CDIN1: variants seen among roughly 807,000 people sequenced by gnomAD.
The protein encoded by CDIN1 is CDAN1 interacting nuclease 1, also known as CDAN1-interacting nuclease 1.
CDIN1 carries 33 observed loss-of-function variants against 45.3 expected under a neutral mutation model. That is an observed-to-expected ratio of 0.73 (90% CI 0.55 to 0.97). CDIN1 has a LOEUF of 0.97. Among genes scored for constraint, CDIN1 ranks in the 50% least tolerant of loss-of-function variants. The pLI is 0.00. For synonymous variants in CDIN1, 118 were observed against 124.4 expected, an observed-to-expected ratio of 0.95 and a Z score of 0.34; for missense variants, 303 against 339.4, an observed-to-expected ratio of 0.89 and a Z score of 0.84.
chr15:36,668,771 T>C (rs1226792950), intron 5 of CDIN1, among the ~76,000 whole-genome samples: 4 of 152,134 alleles, frequency 2.6e-5, no homozygotes, highest in Non-Finnish European at 2.9e-5. Context: ...CCCAGTTTGA[T>C]CCTATACTAG....
intron 1 of CDIN1, among the ~76,000 whole-genome samples, chr15:36,603,324 G>A (rs1246122579): frequency 2.0e-5 from 3 of 152,152 alleles, no homozygotes; most frequent in African/African-American, 7.2e-5. Context: ...CTTCTTAGAG[G>A]AAGAAGAAAA....
At chr15:36,672,931 A>G (rs1373613998) in intron 5 of CDIN1, among the ~76,000 whole-genome samples, 1 of 152,090 alleles carries the variant, frequency 6.6e-6, no homozygotes, top group African/African-American at 2.4e-5. Flanking sequence ...TGGCTTGACA[A>G]GTATACTAAT....
chr15:36,801,849 C>T (rs979150218), intron 10 of CDIN1, among the ~76,000 whole-genome samples: 3 of 152,180 alleles, frequency 2.0e-5, no homozygotes, highest in Admixed American at 6.5e-5. Context: ...TTTCCATCTA[C>T]TTCCTAAATG....
chr15:36,602,849 G>A (rs961727444), intron 1 of CDIN1, among the ~76,000 whole-genome samples: 17 of 152,148 alleles, frequency 1.1e-4, no homozygotes, highest in Admixed American at 1.3e-4. Context: ...TGAGCCAGGC[G>A]TGGTGGCAGG....
intron 8 of CDIN1, among the ~76,000 whole-genome samples, chr15:36,699,706 C>G (rs2042563677): frequency 6.6e-6 from 1 of 152,058 alleles, no homozygotes; most frequent in African/African-American, 2.4e-5. Flanking sequence ...TTTATCTTTA[C>G]TCTTAACAAT....
rs183224607 is a variant in CDIN1, at chr15:36,728,701, G to A, written c.716+18740G>A. Reference sequence around the variant, plus strand: ...AATTTTTTTTTCTTCTTACGACGAAGTGTTGCTCTGTCACCAGACTGGAGT... The same window carrying A: ...AATTTTTTTTTCTTCTTACGACGAAATGTTGCTCTGTCACCAGACTGGAGT... On this transcript the variant is annotated intron_variant, in intron 10 of 10. Transcript: ENST00000566621. Among the ~76,000 whole-genome samples, 66 of 152,108 alleles carry A rather than the reference G, an allele frequency of 4.3e-4. No individual in the cohort carries two copies. The East Asian group carries it at 0.01, about 23-fold the overall frequency.
chr15:36,778,081 G>A (rs140162813), intron 10 of CDIN1, among the ~76,000 whole-genome samples: 2 of 152,328 alleles, frequency 1.3e-5, no homozygotes, highest in Non-Finnish European at 2.9e-5. Context: ...GCTCAGGAAT[G>A]TAATCCTGAA....
rs372995504 is a variant in CDIN1, at chr15:36,653,860, GAC to G, written c.213-237_213-236del. On this transcript the variant is annotated intron_variant, in intron 3 of 10. Transcript: ENST00000566621. ...GTAGGAGGTGAAAGAAAACAAGGGA[GAC>G]CTAAGTATTTACACCTTCTGCCCCC... 1.8e-4 allele frequency among the ~76,000 whole-genome samples: 28 copies of G among 152,324 alleles called. No homozygotes were observed. In the East Asian group the frequency reaches 2.1e-3, roughly 12 times the overall value.
At chr15:36,621,026 GTTAT>G (rs2039162701) in intron 1 of CDIN1, among the ~76,000 whole-genome samples, 1 of 152,154 alleles carries the variant, frequency 6.6e-6, no homozygotes, top group Admixed American at 6.5e-5. Context: ...TTTACATGCT[GTTAT>G]TTAGAAAATG....
intron 1 of CDIN1, chr15:36,618,096 C>T: frequency 1.4e-6 from 1 of 738,164 alleles, no homozygotes; most frequent in Non-Finnish European, 2.5e-6. Flanking sequence ...TACTTTGAAA[C>T]ACCACTGGCC....
intron 5 of CDIN1, among the ~76,000 whole-genome samples, chr15:36,676,028 T>G (rs1361551297): frequency 6.6e-6 from 1 of 152,100 alleles, no homozygotes; most frequent in Non-Finnish European, 1.5e-5. Context: ...ATAGCGGTGT[T>G]TTCCTTGAAA....
chr15:36,591,621 G>C (rs747623516), intron 1 of CDIN1, among the ~76,000 whole-genome samples: 1 of 152,074 alleles, frequency 6.6e-6, no homozygotes, highest in Non-Finnish European at 1.5e-5. Context: ...CATGTTGGTG[G>C]GTGCACTTGG....
chr15:36,703,273 AGATC>A (rs2042718252), intron 8 of CDIN1, among the ~76,000 whole-genome samples: 1 of 100,894 alleles, frequency 9.9e-6, no homozygotes, highest in Non-Finnish European at 2.0e-5. Context: ...TATATCTGAT[AGATC>A]TATCAGATAT....
chr15:36,789,668 G>A (rs146692561), intron 10 of CDIN1, among the ~76,000 whole-genome samples: 159 of 152,286 alleles, frequency 1.0e-3, no homozygotes, highest in African/African-American at 3.7e-3. Context: ...ACATCACACC[G>A]TGAGTCTCAA....
At chr15:36,728,550 CTTTTTT>C (rs373887720) in intron 10 of CDIN1, among the ~76,000 whole-genome samples, 72 of 138,938 alleles carry the variant, frequency 5.2e-4, no homozygotes, top group African/African-American at 1.6e-3. Context: ...GTTTTTCTTC[CTTTTTT>C]TTTTTTTTTT....
chr15:36,773,218 G>T (rs1050307820), intron 10 of CDIN1, among the ~76,000 whole-genome samples: 18 of 152,190 alleles, frequency 1.2e-4, no homozygotes, highest in African/African-American at 4.3e-4. Context: ...AATGGCACTT[G>T]TCTCTGAGGG....
rs563366294 is a variant in CDIN1 at position 36,677,043 on chromosome 15, A to G, written c.347-14642A>G. 2.0e-5 allele frequency among the ~76,000 whole-genome samples: 3 copies of G among 152,298 alleles called. No individual in the cohort carries two copies. In the East Asian group the frequency reaches 5.8e-4, roughly 29 times the overall value. ...GTTTTCACGGTTTACCTCAAGATCCATTGTATCCTATGAGAAAGAGTAGTC... is the reference window on the plus strand; with the variant it reads ...GTTTTCACGGTTTACCTCAAGATCCGTTGTATCCTATGAGAAAGAGTAGTC... On this transcript the variant is annotated intron_variant, in intron 5 of 10. Coordinates refer to ENST00000566621, the MANE Select transcript of CDIN1 (RefSeq NM_001321759.2).
chr15:36,771,249 G>A (rs1363726565), intron 10 of CDIN1, among the ~76,000 whole-genome samples: 1 of 152,182 alleles, frequency 6.6e-6, no homozygotes, highest in African/African-American at 2.4e-5. Context: ...AATACCTAAT[G>A]TAGATGACGG....
chr15:36,651,502 G>C (rs893810845), intron 3 of CDIN1, among the ~76,000 whole-genome samples: 3 of 152,126 alleles, frequency 2.0e-5, no homozygotes, highest in Non-Finnish European at 2.9e-5. Flanking sequence ...TGATGTGGGG[G>C]ATAATTAAAG....
Sources: gnomAD v4.1 joint callset for allele counts (sites outside exome capture counted in the v4.1 genomes callset) on GRCh38, gnomAD v4.1.1 for gene constraint, MANE v1.5 for transcripts, NCBI Gene and HGNC (gene_info 2026-07-23, HGNC 2026-07-21) for gene names.